ARL13B: variants seen among roughly 807,000 people sequenced by gnomAD.
ARL13B encodes the protein ARF like GTPase 13B, also known as ADP-ribosylation factor-like protein 13B.
Under a neutral mutation model 56.1 loss-of-function variants are expected in ARL13B, and 36 were observed. That is an observed-to-expected ratio of 0.64 (90% CI 0.49 to 0.85). The LOEUF (loss-of-function observed/expected upper bound fraction) is 0.85, where lower values mean the gene tolerates loss of function less well. ARL13B is among the 40% of genes least tolerant of loss of function. The probability of loss-of-function intolerance (pLI) is 0.00; values close to 1 mark genes in which losing one functional copy is unlikely to be tolerated. For missense variants in ARL13B, 519 were observed against 507.1 expected, an observed-to-expected ratio of 1.02 and a Z score of -0.23; for synonymous variants, 178 against 171.1, an observed-to-expected ratio of 1.04 and a Z score of -0.32.
At chr3:93,981,865 C>CA (rs11396818) in intron 1 of ARL13B, among the ~76,000 whole-genome samples, 25,558 of 68,558 alleles carry the variant, frequency 0.37, 4,575 homozygotes, top group Non-Finnish European at 0.46. Context: ...AACCCTGTCT[C>CA]AAAAAAAAAA....
At chr3:93,980,615 G>T in intron 1 of ARL13B, 133 bp downstream of exon 1, 1 of 1,096,470 alleles carries the variant, frequency 9.1e-7, no homozygotes, top group Non-Finnish European at 1.3e-6. Flanking sequence ...TTCCCAGGGT[G>T]TCCCGGGAGG....
At chr3:94,004,440 G>C (rs1332693784) in intron 3 of ARL13B, among the ~76,000 whole-genome samples, 1 of 152,048 alleles carries the variant, frequency 6.6e-6, no homozygotes, top group South Asian at 2.1e-4. Context: ...TTTTAAAAAC[G>C]AAGTGACAAA....
Position 93,980,440 on chromosome 3 carries a change from C to G in ARL13B, c.17C>G (p.Ala6Gly). The change falls in exon 1 of 10, where the codon GCC becomes GGC. Residue 6 changes from alanine to glycine, a missense_variant. By Grantham distance (60) the Ala-to-Gly change is moderately conservative (BLOSUM62 0). Coordinates refer to ENST00000394222, the MANE Select transcript of ARL13B (RefSeq NM_001174150.2). MFSLM[A>G]SCCGWFKRWR... ...CGACCCGGGATGTTCAGTCTGATGG[C>G]CAGTTGCTGCGGCTGGTTCAAGCGG... 6.2e-7 allele frequency: 1 copy of G among 1,612,688 alleles called. No homozygotes were observed. Among genetic ancestry groups the G allele is most frequent in the Non-Finnish European group, 8.5e-7 (1 of 1,179,984 alleles).
chr3:93,993,516 G>A (rs1441335171), intron 1 of ARL13B, among the ~76,000 whole-genome samples: 2 of 152,174 alleles, frequency 1.3e-5, no homozygotes, highest in Non-Finnish European at 2.9e-5. Flanking sequence ...GACCTGCCAG[G>A]CTCAAGCAGT....
In ARL13B at chr3:94,054,485, A is replaced by G. The variant is rs2077113760; in HGVS notation, c.*1222A>G. 1 of 360,918 alleles carries G rather than the reference A, an allele frequency of 2.8e-6. No individual in the cohort carries two copies. Among genetic ancestry groups the G allele is most frequent in the Non-Finnish European group, 5.3e-6 (1 of 187,016 alleles). The allele number at this position is 360,918 out of a possible 1,614,324, so 22.4% of individuals were successfully genotyped here. ...ATAATGTTACATTTAATTGAAAACA[A>G]ACCTTTATATCCAATGAAAATAGTA... is the stretch of plus-strand genomic sequence containing the variant. On this transcript the variant is annotated 3_prime_UTR_variant, in exon 10 of 10. Coordinates refer to ENST00000394222, the MANE Select transcript of ARL13B (RefSeq NM_001174150.2).
In ARL13B at chr3:93,980,178, T is replaced by C. The variant is rs1200542585; in HGVS notation, c.-246T>C. 3 of 665,718 alleles carry C rather than the reference T, an allele frequency of 4.5e-6. No homozygotes were observed. The highest frequency in any genetic ancestry group is 8.2e-6 in the Non-Finnish European group (3 of 365,110). The allele number at this position is 665,718 out of a possible 1,614,324, so 41.2% of individuals were successfully genotyped here. ...GGGCTTTTCTTTAGCCGGGTCCCGC[T>C]AACTCGGCTACGGTGTATCTGCGTC... On this transcript the variant is annotated 5_prime_UTR_variant, in exon 1 of 10. Coordinates refer to ENST00000394222, the MANE Select transcript of ARL13B (RefSeq NM_001174150.2).
At chr3:94,004,385 A>T (rs2076100178) in intron 3 of ARL13B, among the ~76,000 whole-genome samples, 1 of 152,100 alleles carries the variant, frequency 6.6e-6, no homozygotes, top group Non-Finnish European at 1.5e-5. Flanking sequence ...ATTGTTATCA[A>T]ATTAGGCATA....
chr3:94,039,851 A>C (rs771374672), intron 5 of ARL13B, 29 bp from the exon 6 acceptor site: 54 of 1,601,696 alleles, frequency 3.4e-5, no homozygotes, highest in Non-Finnish European at 4.4e-5. Flanking sequence ...TCTCAAAGGA[A>C]ATTTCAATTA....
At chr3:94,008,582 T>G (rs1439051297) in intron 3 of ARL13B, among the ~76,000 whole-genome samples, 1 of 152,162 alleles carries the variant, frequency 6.6e-6, no homozygotes, top group Admixed American at 6.5e-5. Context: ...GCTTAATCTG[T>G]TGAAATTTTC....
At position 93,980,174 on chromosome 3, in the gene ARL13B, C is replaced by G; in HGVS notation, c.-250C>G. On this transcript the variant is annotated 5_prime_UTR_variant, in exon 1 of 10. Coordinates refer to ENST00000394222, the MANE Select transcript of ARL13B (RefSeq NM_001174150.2). ...CGCGGGGCTTTTCTTTAGCCGGGTC[C>G]CGCTAACTCGGCTACGGTGTATCTG... is the stretch of plus-strand genomic sequence containing the variant. The G allele has an allele frequency of 4.6e-6, 3 of 656,500 alleles. No individual in the cohort carries two copies. The highest frequency in any genetic ancestry group is 3.2e-5 in the South Asian group (2 of 63,236). The allele number at this position is 656,500 out of a possible 1,614,324, so 40.7% of individuals were successfully genotyped here. A position where few individuals can be genotyped will look rare whatever the true frequency, so the allele number is the denominator to read the frequency against.
chr3:94,015,735 TAAAAC>T (rs1219560292), intron 3 of ARL13B, among the ~76,000 whole-genome samples: 1 of 152,204 alleles, frequency 6.6e-6, no homozygotes, highest in African/African-American at 2.4e-5. Flanking sequence ...ATCATTCAGT[TAAAAC>T]CATTGTAGTG....
At chr3:94,050,747 C>T in intron 8 of ARL13B, 77 bp from the exon 9 acceptor site, 1 of 1,227,366 alleles carries the variant, frequency 8.1e-7, no homozygotes, top group Non-Finnish European at 1.2e-6. Flanking sequence ...TGCTTCCTTT[C>T]CAGGGAGGGA....
chr3:94,014,705 C>T (rs1445621267), intron 3 of ARL13B: 1 of 1,612,578 alleles, frequency 6.2e-7, no homozygotes. Flanking sequence ...TCCCATTTTC[C>T]TTGATGAAGC....
intron 3 of ARL13B, among the ~76,000 whole-genome samples, chr3:94,024,761 A>G (rs2076521293): frequency 6.6e-6 from 1 of 151,834 alleles, no homozygotes. Context: ...GATTTTTTAA[A>G]ATTTTTTGTA....
chr3:94,004,011 T>TA (rs1393510364), intron 3 of ARL13B, 103 bp downstream of exon 3: 1 of 1,524,230 alleles, frequency 6.6e-7, no homozygotes, highest in Non-Finnish European at 9.0e-7. Flanking sequence ...AGTCACGCTT[T>TA]AGTATACTAA....
rs1430077253 is a variant in ARL13B, at chr3:94,055,130, T to G, written c.*1867T>G. On this transcript the variant is annotated 3_prime_UTR_variant, in exon 10 of 10. Transcript: ENST00000394222. Reference sequence around the variant, plus strand: ...TATAGCTCTCTCAAAAATTAATTTTTATTCCTTAAGCATTTTAAAAACATT... The same window carrying G: ...TATAGCTCTCTCAAAAATTAATTTTGATTCCTTAAGCATTTTAAAAACATT... 3 of 365,686 alleles carry G rather than the reference T, an allele frequency of 8.2e-6. No individual in the cohort carries two copies. The East Asian group carries it at 2.3e-4, about 29-fold the overall frequency. The allele number at this position is 365,686 out of a possible 1,614,324, so 22.7% of individuals were successfully genotyped here.
intron 1 of ARL13B, among the ~76,000 whole-genome samples, chr3:93,993,292 A>G (rs2075908682): frequency 6.6e-6 from 1 of 150,482 alleles, no homozygotes; most frequent in South Asian, 2.1e-4. Flanking sequence ...TGCCCAGCTA[A>G]TTTTTGTATT....
chr3:94,027,601 A>T (rs533603038), intron 3 of ARL13B, among the ~76,000 whole-genome samples: 1 of 152,104 alleles, frequency 6.6e-6, no homozygotes. Flanking sequence ...TTTAAAATAC[A>T]TATAAAAGTC....
intron 3 of ARL13B, among the ~76,000 whole-genome samples, chr3:94,010,371 A>G (rs533839051): frequency 7.3e-4 from 111 of 152,188 alleles, no homozygotes; most frequent in African/African-American, 2.6e-3. Flanking sequence ...AATTAGGAGA[A>G]CCTAATGTTT....
Sources: allele counts gnomAD v4.1 joint callset (sites outside exome capture counted in the v4.1 genomes callset), GRCh38; gene constraint gnomAD v4.1.1; transcripts MANE v1.5; gene names NCBI Gene and HGNC (gene_info 2026-07-23, HGNC 2026-07-21).